XRCC4: variants seen among roughly 807,000 people sequenced by gnomAD.
XRCC4 encodes the protein X-ray repair cross complementing 4, also known as DNA repair protein XRCC4.
In XRCC4, 28 loss-of-function variants were observed where a neutral mutation model predicts 39.1. The observed-to-expected ratio is 0.72, with a 90% CI of 0.53 to 0.98. The LOEUF is 0.98. Ranked by LOEUF, XRCC4 falls within the 50% of genes least tolerant of loss-of-function variation. The probability of loss-of-function intolerance (pLI) is 0.00; values close to 1 mark genes in which losing one functional copy is unlikely to be tolerated. For missense variants in XRCC4, 350 were observed against 376.4 expected (o/e 0.93, Z 0.58); for synonymous variants, 123 against 126.4 (o/e 0.97, Z 0.18).
intron 7 of XRCC4, among the ~76,000 whole-genome samples, chr5:83,272,733 A>T (rs1318079662): frequency 6.6e-6 from 1 of 152,168 alleles, no homozygotes; most frequent in Non-Finnish European, 1.5e-5. Context: ...AACTTCATCC[A>T]TGTCCCTGCA....
intron 2 of XRCC4, among the ~76,000 whole-genome samples, chr5:83,109,979 C>T (rs187164441): frequency 2.0e-5 from 3 of 152,068 alleles, no homozygotes; most frequent in South Asian, 4.2e-4. Flanking sequence ...AAAATCAGAA[C>T]CCTAAACCTG....
intron 7 of XRCC4, among the ~76,000 whole-genome samples, chr5:83,352,765 G>C (rs938816436): frequency 6.6e-6 from 1 of 152,176 alleles, no homozygotes; most frequent in African/African-American, 2.4e-5. Flanking sequence ...ATTTAAGAAA[G>C]CCAGAGTAAA....
intron 3 of XRCC4, among the ~76,000 whole-genome samples, chr5:83,146,140 C>G (rs943465566): frequency 6.6e-6 from 1 of 151,936 alleles, no homozygotes; most frequent in Non-Finnish European, 1.5e-5. Flanking sequence ...AAAGTCATGC[C>G]TGTATTTGAA....
At chr5:83,231,714 A>G (rs1001429320) in intron 6 of XRCC4, among the ~76,000 whole-genome samples, 5 of 152,080 alleles carry the variant, frequency 3.3e-5, no homozygotes, top group African/African-American at 4.8e-5. Context: ...TTTCAGAAGG[A>G]TAAAGTATGG....
At chr5:83,127,704 A>G (rs373267166) in intron 3 of XRCC4, among the ~76,000 whole-genome samples, 75 of 152,210 alleles carry the variant, frequency 4.9e-4, no homozygotes, top group African/African-American at 1.4e-3. Context: ...TCCTCCATAT[A>G]GATCCAGATT....
At chr5:83,256,022 C>T (rs1753525038) in intron 6 of XRCC4, among the ~76,000 whole-genome samples, 6 of 152,166 alleles carry the variant, frequency 3.9e-5, no homozygotes, top group Admixed American at 3.9e-4. Flanking sequence ...CATGAAAACC[C>T]ATATGTAATA....
At chr5:83,264,035 A>G (rs1753865347) in intron 7 of XRCC4, among the ~76,000 whole-genome samples, 1 of 152,162 alleles carries the variant, frequency 6.6e-6, no homozygotes, top group African/African-American at 2.4e-5. Flanking sequence ...GATGTAGCGT[A>G]TTTCAGCCCA....
chr5:83,302,618 A>G (rs770060990), intron 7 of XRCC4, among the ~76,000 whole-genome samples: 4 of 152,202 alleles, frequency 2.6e-5, no homozygotes, highest in Non-Finnish European at 5.9e-5. Context: ...AGCTGCAGAC[A>G]GGAGCTGTTC....
chr5:83,363,414 G>C, the XRCC4 span, among the ~76,000 whole-genome samples: 12 of 152,248 alleles, frequency 7.9e-5, no homozygotes, highest in East Asian at 2.3e-3. Context: ...AGGATCTTAA[G>C]GGCAGTAAAG....
intron 6 of XRCC4, among the ~76,000 whole-genome samples, chr5:83,233,277 T>G (rs1192027253): frequency 6.6e-6 from 1 of 152,190 alleles, no homozygotes; most frequent in Non-Finnish European, 1.5e-5. Context: ...TTGACTTGGA[T>G]AACCACATCT....
At chr5:83,149,806 G>C (rs560900636) in intron 3 of XRCC4, among the ~76,000 whole-genome samples, 1 of 152,168 alleles carries the variant, frequency 6.6e-6, no homozygotes, top group Admixed American at 6.5e-5. Flanking sequence ...AATTTGGTTG[G>C]TATACTCTGT....
chr5:83,243,047 C>T (rs1377892266), intron 6 of XRCC4, among the ~76,000 whole-genome samples: 2 of 151,980 alleles, frequency 1.3e-5, no homozygotes, highest in African/African-American at 4.8e-5. Context: ...TTCTCTCTCT[C>T]GACATATCAT....
chr5:83,092,912 T>A (rs1195142965), intron 1 of XRCC4, among the ~76,000 whole-genome samples: 1 of 151,748 alleles, frequency 6.6e-6, no homozygotes, highest in African/African-American at 2.4e-5. Flanking sequence ...AGAAAATAAT[T>A]AACAAAATGG....
At chr5:83,250,955 T>A (rs1456437361) in intron 6 of XRCC4, among the ~76,000 whole-genome samples, 1 of 152,202 alleles carries the variant, frequency 6.6e-6, no homozygotes. Flanking sequence ...AGTTCCTTTT[T>A]AATTGCTTGT....
intron 3 of XRCC4, among the ~76,000 whole-genome samples, chr5:83,166,574 A>G (rs1179992938): frequency 6.7e-6 from 1 of 149,770 alleles, no homozygotes; most frequent in Admixed American, 6.7e-5. Flanking sequence ...GGTGATTCTC[A>G]GGCCTCAGCC....
At chr5:83,096,428 C>G (rs1045769092) in intron 1 of XRCC4, among the ~76,000 whole-genome samples, 3 of 152,046 alleles carry the variant, frequency 2.0e-5, no homozygotes, top group South Asian at 2.1e-4. Flanking sequence ...CCTCCAGGAC[C>G]CCTTGGCAGG....
In XRCC4 at chr5:83,223,487, T is replaced by TG. The variant is rs201024290; in HGVS notation, c.745+18566_745+18567insG. On this transcript the variant is annotated intron_variant, in intron 6 of 7. Transcript: ENST00000396027. Reference sequence around the variant, plus strand: ...ACCTCCATTGTTGCTTTTTGCAGTTTTTTTGTTTTGTTTTGTTTTACCTAA... The same window carrying TG: ...ACCTCCATTGTTGCTTTTTGCAGTTTGTTTTGTTTTGTTTTGTTTTACCTAA... Among the ~76,000 whole-genome samples the TG allele has an allele frequency of 7.0e-3, 1,057 of 151,962 alleles. 9 individuals are homozygous for TG. The highest frequency in any genetic ancestry group is 0.023 in the African/African-American group (955 of 41,378).
At chr5:83,341,884 G>A (rs1397273091) in intron 7 of XRCC4, among the ~76,000 whole-genome samples, 2 of 152,080 alleles carry the variant, frequency 1.3e-5, no homozygotes, top group Non-Finnish European at 2.9e-5. Context: ...ACTTTTATGT[G>A]CTAAATATTG....
chr5:83,238,394 G>A (rs1374670949), intron 6 of XRCC4, among the ~76,000 whole-genome samples: 1 of 152,126 alleles, frequency 6.6e-6, no homozygotes, highest in Non-Finnish European at 1.5e-5. Context: ...GAGAAATGTT[G>A]TTGGGAGAAA....
Sources: gnomAD v4.1 joint callset for allele counts (sites outside exome capture counted in the v4.1 genomes callset) on GRCh38, gnomAD v4.1.1 for gene constraint, MANE v1.5 for transcripts, NCBI Gene and HGNC (gene_info 2026-07-23, HGNC 2026-07-21) for gene names.